Variants in PHACTR2 observed in about 807,000 individuals in gnomAD.
PHACTR2 encodes the protein chromosome 6 open reading frame 56.
PHACTR2 carries 30 observed loss-of-function variants against 76.0 expected under a neutral mutation model. That is an observed-to-expected ratio of 0.39 (90% CI 0.30 to 0.54). The LOEUF (loss-of-function observed/expected upper bound fraction) is 0.54, where lower values mean the gene tolerates loss of function less well. Ranked by LOEUF, PHACTR2 falls within the 20% of genes least tolerant of loss-of-function variation. PHACTR2 has a pLI of 0.61. For missense variants in PHACTR2, 696 were observed against 781.1 expected (o/e 0.89, Z 1.30); for synonymous variants, 292 against 292.5 (o/e 1.00, Z 0.02).
At chr6:143,773,548 A>T (rs1033074443) in intron 7 of PHACTR2, among the ~76,000 whole-genome samples, 1 of 150,874 alleles carries the variant, frequency 6.6e-6, no homozygotes, top group Non-Finnish European at 1.5e-5. Flanking sequence ...AAAAAAAACC[A>T]TTATCATCCA....
intron 1 of PHACTR2, among the ~76,000 whole-genome samples, chr6:143,552,467 C>T (rs942134880): frequency 1.3e-5 from 2 of 152,154 alleles, no homozygotes; most frequent in African/African-American, 4.8e-5. Context: ...ATAACAACAA[C>T]CAACAAGAAA....
intron 1 of PHACTR2, among the ~76,000 whole-genome samples, chr6:143,685,192 G>A (rs1276008986): frequency 6.6e-6 from 1 of 151,806 alleles, no homozygotes; most frequent in Non-Finnish European, 1.5e-5. Flanking sequence ...CTCATGTTTT[G>A]AATATTTGAT....
Position 143,809,264 on chromosome 6 carries a change from T to C in PHACTR2, c.1922+2131T>C, listed in dbSNP as rs937721739. Among the ~76,000 whole-genome samples, 6 of 152,256 alleles carry C rather than the reference T, an allele frequency of 3.9e-5. No individual in the cohort carries two copies. Among genetic ancestry groups the C allele is most frequent in the African/African-American group, 1.2e-4 (5 of 41,472 alleles). On this transcript the variant is annotated intron_variant, in intron 12 of 12. Transcript: ENST00000440869. The surrounding 1 kb of genome is among the most constrained non-coding windows in gnomAD (Gnocchi z 4.2). ...AATAAATATTTATACTAAAAGAGGT[T>C]CTTTCTGTTCTGTTGTACTCTATAT...
chr6:143,693,997 A>C (rs994235768), intron 1 of PHACTR2, among the ~76,000 whole-genome samples: 6 of 152,104 alleles, frequency 3.9e-5, no homozygotes, highest in Non-Finnish European at 8.8e-5. Context: ...CGAACCCAGG[A>C]GATCAAGCCT....
At position 143,825,861 on chromosome 6, in the gene PHACTR2, T is replaced by G. The variant is rs912337499; in HGVS notation, c.*2172T>G. ...TTGGTTGATAAAAGGAACAATTTTT[T>G]CCCACTTTTGATGCCTGTGATGCAA... On this transcript the variant is annotated 3_prime_UTR_variant, in exon 13 of 13. Transcript: ENST00000440869. This position sits in a 1 kb window ranked among gnomAD's most constrained non-coding sequence, Gnocchi z 4.1. 6.6e-6 allele frequency: 1 copy of G among 152,122 alleles called. No homozygotes were observed. Among genetic ancestry groups the G allele is most frequent in the Non-Finnish European group, 1.5e-5 (1 of 68,022 alleles). 9.4% of individuals were successfully genotyped at this position (152,122 alleles called of 1,614,324 possible). A position where few individuals can be genotyped will look rare whatever the true frequency, so the allele number is the denominator to read the frequency against.
chr6:143,549,586 C>CT lies in PHACTR2; in HGVS notation c.217+12380dup, dbSNP rs1234187481. ...GGGGTACTCAGCAGCTGCTAAGCAG[C>CT]TATGGAGGGAGAAAGGTGTTTTGAA... On this transcript the variant is annotated intron_variant, in intron 1 of 11. Transcript: ENST00000367584. This position sits in a 1 kb window ranked among gnomAD's most constrained non-coding sequence, Gnocchi z 4.2. Among the ~76,000 whole-genome samples the CT allele has an allele frequency of 3.3e-5, 5 of 152,048 alleles. No homozygotes were observed. The highest frequency in any genetic ancestry group is 6.6e-5 in the Admixed American group (1 of 15,266).
rs1332837155 is a variant in PHACTR2, at chr6:143,689,452, C to T, written c.46+11243C>T. On this transcript the variant is annotated intron_variant, in intron 1 of 12. Transcript: ENST00000440869. This position sits in a 1 kb window ranked among gnomAD's most constrained non-coding sequence, Gnocchi z 4.4. Reference sequence around the variant, plus strand: ...AGTAGTGGGAACTGAGTAGAAAGTTCAGGGGCATCTAAGAAATGTGGAGTT... The same window carrying T: ...AGTAGTGGGAACTGAGTAGAAAGTTTAGGGGCATCTAAGAAATGTGGAGTT... Among the ~76,000 whole-genome samples, 1 of 152,126 alleles carries T rather than the reference C, an allele frequency of 6.6e-6. No homozygotes were observed. Among genetic ancestry groups the T allele is most frequent in the Admixed American group, 6.5e-5 (1 of 15,272 alleles).
intron 2 of PHACTR2, among the ~76,000 whole-genome samples, chr6:143,734,893 G>T (rs1271457030): frequency 6.6e-6 from 1 of 152,166 alleles, no homozygotes; most frequent in Non-Finnish European, 1.5e-5. Context: ...CTGGGTCAGA[G>T]AATTCATGTC....
In PHACTR2 at chr6:143,678,450, G is replaced by A. The variant is rs1777305886; in HGVS notation, c.46+241G>A. On this transcript the variant is annotated intron_variant, in intron 1 of 12. Transcript: ENST00000440869. The surrounding 1 kb of genome is among the most constrained non-coding windows in gnomAD (Gnocchi z 6.2). ...ATTTTTCTGTGCGCGATGCCTCGCT[G>A]TGGTTTTTTATCCAAATTATTTCGG... Among the ~76,000 whole-genome samples the A allele has an allele frequency of 7.1e-6, 1 of 141,248 alleles. No individual in the cohort carries two copies. The highest frequency in any genetic ancestry group is 1.6e-5 in the Non-Finnish European group (1 of 62,802). The allele number at this position is 141,248 out of a possible 152,430, so 92.7% of individuals were successfully genotyped here.
intron 1 of PHACTR2, among the ~76,000 whole-genome samples, chr6:143,601,952 A>G (rs1775818960): frequency 6.6e-6 from 1 of 152,202 alleles, no homozygotes; most frequent in East Asian, 1.9e-4. Flanking sequence ...TGATATTTTG[A>G]TGCAATCATA....
intron 1 of PHACTR2, among the ~76,000 whole-genome samples, chr6:143,575,297 A>G (rs1775493233): frequency 1.3e-5 from 2 of 152,174 alleles, no homozygotes; most frequent in African/African-American, 2.4e-5. Flanking sequence ...ATAACTTACC[A>G]TATTCCTATC....
intron 1 of PHACTR2, among the ~76,000 whole-genome samples, chr6:143,661,760 T>C (rs1029966610): frequency 6.6e-6 from 1 of 152,076 alleles, no homozygotes; most frequent in Non-Finnish European, 1.5e-5. Context: ...TTTCACCAGG[T>C]TGACCAGGCT....
chr6:143,668,175 A>T (rs997865170), intron 1 of PHACTR2, among the ~76,000 whole-genome samples: 1 of 152,180 alleles, frequency 6.6e-6, no homozygotes, highest in Non-Finnish European at 1.5e-5. Context: ...GATGGATTAC[A>T]TTTATTGATT....
rs1217332544 is a variant in PHACTR2, at chr6:143,616,890, G to A, written c.13+8568G>A. On this transcript the variant is annotated intron_variant, in intron 1 of 11. Transcript: ENST00000305766. This position sits in a 1 kb window ranked among gnomAD's most constrained non-coding sequence, Gnocchi z 4.9. ...TAAAAATGTGTCAAGCTGAGTGGCC[G>A]GCAAACACACACGCCCCCAGACAGG... Among the ~76,000 whole-genome samples, 4 of 152,080 alleles carry A rather than the reference G, an allele frequency of 2.6e-5. No homozygotes were observed. The highest frequency in any genetic ancestry group is 3.9e-4 in the East Asian group (2 of 5,162).
rs1257953644 is a variant in PHACTR2, at chr6:143,562,883, GATAA to G, written c.217+25680_217+25683del. Among the ~76,000 whole-genome samples the G allele has an allele frequency of 3.9e-5, 6 of 152,144 alleles. No homozygotes were observed. Among genetic ancestry groups the G allele is most frequent in the Non-Finnish European group, 7.4e-5 (5 of 68,026 alleles). On this transcript the variant is annotated intron_variant, in intron 1 of 11. Coordinates refer to the PHACTR2 transcript ENST00000367584. This position sits in a 1 kb window ranked among gnomAD's most constrained non-coding sequence, Gnocchi z 5.1. ...CAATGAAATAAGCCAGACACAGATG[GATAA>G]ATATTGTATGATTCCACGTAGAGGA... is the stretch of plus-strand genomic sequence containing the variant.
At position 143,826,064 on chromosome 6, in the gene PHACTR2, A is replaced by AG. The variant is rs1221034648; in HGVS notation, c.*2375_*2376insG. ...GAGACAAGTTTAAAAGTAAAAAAAA[A>AG]AAAAAATTAGCCACTGCTAGTCTAC... On this transcript the variant is annotated 3_prime_UTR_variant, in exon 13 of 13. Transcript: ENST00000440869. 2.6e-5 allele frequency: 4 copies of AG among 152,234 alleles called. No individual in the cohort carries two copies. Among genetic ancestry groups the AG allele is most frequent in the African/African-American group, 9.6e-5 (4 of 41,468 alleles). 9.4% of individuals were successfully genotyped at this position (152,234 alleles called of 1,614,324 possible). A position where few individuals can be genotyped will look rare whatever the true frequency, so the allele number is the denominator to read the frequency against.
intron 1 of PHACTR2, among the ~76,000 whole-genome samples, chr6:143,629,318 G>A (rs1776320210): frequency 6.6e-6 from 1 of 152,004 alleles, no homozygotes; most frequent in African/African-American, 2.4e-5. Context: ...CATATTTTTG[G>A]CACTCAGTCT....
intron 1 of PHACTR2, among the ~76,000 whole-genome samples, chr6:143,666,427 G>A (rs1777037641): frequency 6.6e-6 from 1 of 152,080 alleles, no homozygotes; most frequent in Non-Finnish European, 1.5e-5. Flanking sequence ...GGTATTTCTG[G>A]TTCTAGATCC....
intron 11 of PHACTR2, among the ~76,000 whole-genome samples, chr6:143,805,490 A>AC (rs910379361): frequency 1.4e-5 from 2 of 140,386 alleles, no homozygotes; most frequent in African/African-American, 6.5e-5. Flanking sequence ...AAAAAAAAAA[A>AC]AAAAAAAAAA....
Sources: allele counts gnomAD v4.1 joint callset (sites outside exome capture counted in the v4.1 genomes callset), GRCh38; gene constraint gnomAD v4.1.1; non-coding constraint Gnocchi (gnomAD v3.1); transcripts MANE v1.5; gene names NCBI Gene and HGNC (gene_info 2026-07-23, HGNC 2026-07-21).